Variants in ASTN2 observed in about 807,000 individuals in gnomAD.
ASTN2 encodes astrotactin 2, also known as astrotactin-2.
ASTN2 carries 54 observed loss-of-function variants against 139.8 expected under a neutral mutation model. The observed-to-expected ratio is 0.39, with a 90% CI of 0.31 to 0.48. The LOEUF (loss-of-function observed/expected upper bound fraction) is 0.48, where lower values mean the gene tolerates loss of function less well. Ranked by LOEUF, ASTN2 falls within the 20% of genes least tolerant of loss-of-function variation. The pLI is 0.95. For synonymous variants in ASTN2, 756 were observed against 719.5 expected (o/e 1.05, Z -0.81); for missense variants, 1,565 against 1,725.1 (o/e 0.91, Z 1.64).
intron 11 of ASTN2, among the ~76,000 whole-genome samples, chr9:116,858,552 AGT>A (rs1832799732): frequency 2.0e-5 from 3 of 152,298 alleles, no homozygotes; most frequent in Admixed American, 6.5e-5. Context: ...AAAATTTTGC[AGT>A]GTTTATACTG....
chr9:116,803,543 T>G, intron 13 of ASTN2, among the ~76,000 whole-genome samples: 1 of 128,552 alleles, frequency 7.8e-6, no homozygotes, highest in East Asian at 2.3e-4. Flanking sequence ...TTTTTTTTTT[T>G]AGACGGAGTC....
chr9:117,130,973 G>A (rs1179208392), intron 4 of ASTN2, among the ~76,000 whole-genome samples: 1 of 152,168 alleles, frequency 6.6e-6, no homozygotes, highest in African/African-American at 2.4e-5. Context: ...GTTTAATCAT[G>A]TATATCTCAA....
intron 1 of ASTN2, among the ~76,000 whole-genome samples, chr9:117,334,757 A>C (rs1366113435): frequency 6.6e-6 from 1 of 152,116 alleles, no homozygotes. Flanking sequence ...ATGATTATTT[A>C]AAATAGCAAC....
chr9:117,177,059 A>G (rs1312674729), intron 3 of ASTN2, among the ~76,000 whole-genome samples: 1 of 152,224 alleles, frequency 6.6e-6, no homozygotes, highest in Non-Finnish European at 1.5e-5. Flanking sequence ...TAAAAAGTTT[A>G]AAATAACCAT....
intron 1 of ASTN2, among the ~76,000 whole-genome samples, chr9:117,390,953 A>G (rs1188753387): frequency 6.6e-6 from 1 of 152,206 alleles, no homozygotes; most frequent in Non-Finnish European, 1.5e-5. Flanking sequence ...AATTGGCCTA[A>G]GGTAGATCCC....
At chr9:117,120,191 A>G (rs1232333942) in intron 4 of ASTN2, among the ~76,000 whole-genome samples, 1 of 151,362 alleles carries the variant, frequency 6.6e-6, no homozygotes, top group Non-Finnish European at 1.5e-5. Context: ...ACTTTGTCAT[A>G]TCTCTTAGTG....
At chr9:117,054,983 C>A (rs1287198432) in intron 5 of ASTN2, among the ~76,000 whole-genome samples, 1 of 152,184 alleles carries the variant, frequency 6.6e-6, no homozygotes, top group Non-Finnish European at 1.5e-5. Context: ...AGGGTTGGTG[C>A]TCCTATGAGA....
chr9:116,799,706 T>TGG (rs71379228), intron 13 of ASTN2, among the ~76,000 whole-genome samples: 22,776 of 122,282 alleles, frequency 0.19, 2,144 homozygotes, highest in East Asian at 0.45. Context: ...GGTAAGAGAG[T>TGG]GGGGGGGGGG....
At chr9:117,162,234 T>C (rs1830570243) in intron 3 of ASTN2, among the ~76,000 whole-genome samples, 1 of 152,080 alleles carries the variant, frequency 6.6e-6, no homozygotes, top group African/African-American at 2.4e-5. Flanking sequence ...AACAGCATTA[T>C]TGTGAGCCTC....
intron 12 of ASTN2, among the ~76,000 whole-genome samples, chr9:116,807,283 A>G (rs1156770164): frequency 1.3e-5 from 2 of 152,242 alleles, no homozygotes; most frequent in East Asian, 3.9e-4. Flanking sequence ...TGTGGGAACC[A>G]GTAGCTGATG....
chr9:117,304,429 C>T (rs1834950275), intron 1 of ASTN2, among the ~76,000 whole-genome samples: 1 of 152,172 alleles, frequency 6.6e-6, no homozygotes, highest in Admixed American at 6.5e-5. Flanking sequence ...TTTTGCTGCC[C>T]ACTACCTCCC....
chr9:116,639,768 T>C (rs1267559030), intron 17 of ASTN2, among the ~76,000 whole-genome samples: 2 of 152,182 alleles, frequency 1.3e-5, no homozygotes, highest in African/African-American at 4.8e-5. Context: ...AGATGATGGC[T>C]GGCTACACTC....
At chr9:116,488,914 A>G (rs1588107837) in intron 19 of ASTN2, among the ~76,000 whole-genome samples, 1 of 152,354 alleles carries the variant, frequency 6.6e-6, no homozygotes, top group East Asian at 1.9e-4. Context: ...GGCCAGACTA[A>G]ATGGCCTCTA....
chr9:116,534,088 G>C (rs1304468192), intron 19 of ASTN2, among the ~76,000 whole-genome samples: 1 of 152,142 alleles, frequency 6.6e-6, no homozygotes, highest in Non-Finnish European at 1.5e-5. Flanking sequence ...GTTTAGTCTT[G>C]GGAGGGTGGA....
chr9:117,298,732 G>GTGTA (rs1374284794), intron 1 of ASTN2, among the ~76,000 whole-genome samples: 2 of 111,934 alleles, frequency 1.8e-5, no homozygotes, highest in East Asian at 2.6e-4. Flanking sequence ...GTGTGTGTGT[G>GTGTA]TATATATATA....
At chr9:116,684,421 T>C (rs1482910645) in intron 16 of ASTN2, among the ~76,000 whole-genome samples, 3 of 152,166 alleles carry the variant, frequency 2.0e-5, no homozygotes, top group African/African-American at 7.2e-5. Context: ...TCCTTGAGTT[T>C]TTTCTACAAT....
At chr9:116,936,203 TCACCATCAC>T (rs1835075053) in intron 10 of ASTN2, among the ~76,000 whole-genome samples, 1 of 53,104 alleles carries the variant, frequency 1.9e-5, no homozygotes, top group Non-Finnish European at 4.0e-5. Flanking sequence ...ACCACAACCA[TCACCATCAC>T]CACCACCACC....
At chr9:117,032,294 G>A (rs1335421858) in intron 6 of ASTN2, among the ~76,000 whole-genome samples, 5 of 152,128 alleles carry the variant, frequency 3.3e-5, no homozygotes, top group African/African-American at 9.7e-5. Flanking sequence ...GGTATATAGA[G>A]AGGCAGATAC....
intron 2 of ASTN2, among the ~76,000 whole-genome samples, chr9:117,252,986 G>A (rs1473499184): frequency 6.6e-6 from 1 of 152,178 alleles, no homozygotes; most frequent in Non-Finnish European, 1.5e-5. Context: ...TCATCTCAGA[G>A]TCATAGCATC....
Sources: gnomAD v4.1 joint callset for allele counts (sites outside exome capture counted in the v4.1 genomes callset) on GRCh38, gnomAD v4.1.1 for gene constraint, MANE v1.5 for transcripts, NCBI Gene and HGNC (gene_info 2026-07-23, HGNC 2026-07-21) for gene names.